The following PTBP3 variants were observed in gnomAD, a reference collection of about 807,000 sequenced individuals.
PTBP3 encodes polypyrimidine tract-binding protein 3.
PTBP3 carries 20 observed loss-of-function variants against 58.7 expected under a neutral mutation model. The observed-to-expected ratio is 0.34, with a 90% confidence interval of 0.24 to 0.50. The LOEUF (loss-of-function observed/expected upper bound fraction) is 0.50. PTBP3 is among the 20% of genes least tolerant of loss of function. The pLI is 0.98. For synonymous variants in PTBP3, 185 were observed against 219.8 expected, an observed-to-expected ratio of 0.84 and a Z score of 1.40; for missense variants, 509 against 637.2, an observed-to-expected ratio of 0.80 and a Z score of 2.17.
chr9:112,283,246 A>T (rs996053661), intron 2 of PTBP3, among the ~76,000 whole-genome samples: 1 of 152,190 alleles, frequency 6.6e-6, no homozygotes, highest in Non-Finnish European at 1.5e-5. Flanking sequence ...GGAACTGGGT[A>T]ATGGGCAGAG....
intron 1 of PTBP3, among the ~76,000 whole-genome samples, chr9:112,303,783 G>A (rs1199207823): frequency 6.6e-6 from 1 of 151,976 alleles, no homozygotes; most frequent in Non-Finnish European, 1.5e-5. Flanking sequence ...AGAATCACTT[G>A]AACCTGGGAG....
intron 2 of PTBP3, among the ~76,000 whole-genome samples, chr9:112,280,243 C>T (rs1390207159): frequency 2.0e-5 from 3 of 152,080 alleles, no homozygotes; most frequent in Non-Finnish European, 4.4e-5. Context: ...TTAGTAGACA[C>T]GTGGTTTCAC....
At chr9:112,242,941 C>T (rs1338916051) in intron 7 of PTBP3, 1 of 152,174 alleles carries the variant, frequency 6.6e-6, no homozygotes, top group Non-Finnish European at 1.5e-5. Context: ...TCCACTTATA[C>T]AAAACCGACT....
the PTBP3 span, among the ~76,000 whole-genome samples, chr9:112,374,087 C>G: frequency 6.6e-6 from 1 of 152,072 alleles, no homozygotes; most frequent in Non-Finnish European, 1.5e-5. Flanking sequence ...ACCTTAACCA[C>G]GGGGTATGGT....
chr9:112,373,953 C>T, the PTBP3 span, among the ~76,000 whole-genome samples: 5 of 152,158 alleles, frequency 3.3e-5, no homozygotes, highest in African/African-American at 7.2e-5. Context: ...TTCCCTTTGC[C>T]TTCATCAAGC....
intron 1 of PTBP3, among the ~76,000 whole-genome samples, chr9:112,331,082 A>AACACACACACACAC (rs10660591): frequency 8.5e-4 from 119 of 139,524 alleles, no homozygotes; most frequent in East Asian, 2.1e-3. Context: ...GGAGGAAACG[A>AACACACACACACAC]ACACACACAC....
rs750809494 is a variant in PTBP3 at position 112,275,851 on chromosome 9, T to C, written c.197A>G (p.Lys66Arg). Residue 66 changes from lysine (K) to arginine (R), a missense_variant, in exon 3 of 14, where the codon AAA becomes AGA. Around this residue, in one of 4 missense-constraint regions of PTBP3, gnomAD observed 212 missense variants for 215.3 expected, o/e 0.98. Transcript: ENST00000374257. ...TCTTTAAATATTACATACCTGGCTT[T>C]TTCCTTTCAACATCAAAAGATTAGT... is the stretch of plus-strand genomic sequence containing the variant. ...KVTNLLMLKG[K>R]SQAFLEMASE... is the part of the protein sequence containing the mutation. 1.9e-6 allele frequency: 3 copies of C among 1,611,074 alleles called. No homozygotes were observed. The highest frequency in any genetic ancestry group is 2.5e-6 in the Non-Finnish European group (3 of 1,177,518).
At chr9:112,282,269 T>C (rs915428508) in intron 2 of PTBP3, among the ~76,000 whole-genome samples, 1 of 152,152 alleles carries the variant, frequency 6.6e-6, no homozygotes, top group South Asian at 2.1e-4. Context: ...TGTCTTTCCT[T>C]TTTTTTGAGT....
chr9:112,320,045 A>G (rs1405082385), intron 1 of PTBP3, among the ~76,000 whole-genome samples: 1 of 152,078 alleles, frequency 6.6e-6, no homozygotes, highest in Non-Finnish European at 1.5e-5. Context: ...GATTTTGGTC[A>G]AGGATACAAA....
At chr9:112,332,550 T>G (rs1830417177) in intron 1 of PTBP3, among the ~76,000 whole-genome samples, 1 of 152,196 alleles carries the variant, frequency 6.6e-6, no homozygotes, top group African/African-American at 2.4e-5. Flanking sequence ...TTGGAGATTT[T>G]TTTTTAATCC....
rs1418787518 is a variant in PTBP3, at chr9:112,290,705, T to TACACACACACACACAC, written c.34+7126_34+7127insGTGTGTGTGTGTGTGT. Among the ~76,000 whole-genome samples the TACACACACACACACAC allele has an allele frequency of 6.6e-4, 48 of 72,988 alleles. 1 individual carries two copies. The highest frequency in any genetic ancestry group is 2.1e-3 in the African/African-American group (45 of 21,314). 47.9% of individuals were successfully genotyped at this position (72,988 alleles called of 152,430 possible). The stretch of plus-strand genomic sequence containing the variant: ...AAAAAAAAATATATATATATATATA[T>TACACACACACACACAC]ATACACACACACACACACACACACA... On this transcript the variant is annotated intron_variant, in intron 2 of 13. Transcript: ENST00000374257.
intron 3 of PTBP3, among the ~76,000 whole-genome samples, chr9:112,274,850 C>G (rs903868571): frequency 1.3e-5 from 2 of 152,182 alleles, no homozygotes. Flanking sequence ...TCACAGCAAC[C>G]AATCAGAAAG....
In PTBP3 at chr9:112,239,865, G is replaced by A. The variant is rs1156679597; in HGVS notation, c.803-4968C>T. 1.3e-4 allele frequency among the ~76,000 whole-genome samples: 15 copies of A among 111,824 alleles called. 1 individual carries two copies. The highest frequency in any genetic ancestry group is 4.3e-4 in the African/African-American group (12 of 28,182). The allele number at this position is 111,824 out of a possible 152,430, so 73.4% of individuals were successfully genotyped here. ...AGGGAGGGAGGGAGGGAGGGAGGGA[G>A]GGAGGGAGGGAGGGAGGCAAGGAAG... On this transcript the variant is annotated intron_variant, in intron 7 of 13. Transcript: ENST00000374257.
At chr9:112,301,466 A>C (rs1303464891) in intron 1 of PTBP3, among the ~76,000 whole-genome samples, 1 of 151,936 alleles carries the variant, frequency 6.6e-6, no homozygotes, top group African/African-American at 2.4e-5. Flanking sequence ...GAAAAAAAAA[A>C]ACAAACAAAA....
chr9:112,287,338 T>TG (rs1828173038), intron 2 of PTBP3, among the ~76,000 whole-genome samples: 1 of 135,218 alleles, frequency 7.4e-6, no homozygotes, highest in East Asian at 2.2e-4. Flanking sequence ...TTTTCAGTTT[T>TG]TTGTTTTTTT....
At chr9:112,332,316 A>G (rs987000104) in intron 1 of PTBP3, among the ~76,000 whole-genome samples, 22 of 152,358 alleles carry the variant, frequency 1.4e-4, no homozygotes, top group African/African-American at 5.0e-4. Flanking sequence ...GAAATGTCAT[A>G]TACACTTAAT....
At chr9:112,302,163 T>C (rs1587859864) in intron 1 of PTBP3, among the ~76,000 whole-genome samples, 1 of 152,008 alleles carries the variant, frequency 6.6e-6, no homozygotes, top group South Asian at 2.1e-4. Flanking sequence ...ACTACACAAA[T>C]TTCAATTGAC....
intron 3 of PTBP3, among the ~76,000 whole-genome samples, chr9:112,274,337 A>G (rs1165569601): frequency 1.3e-5 from 2 of 152,226 alleles, no homozygotes; most frequent in African/African-American, 4.8e-5. Context: ...TCTTAAACCT[A>G]TTATTTATCA....
chr9:112,267,889 T>C (rs1384121179), intron 4 of PTBP3, among the ~76,000 whole-genome samples, 160 bp downstream of exon 4: 1 of 152,250 alleles, frequency 6.6e-6, no homozygotes, highest in Non-Finnish European at 1.5e-5. Context: ...ACTGCTTTCT[T>C]ATTCTTAAGA....
Sources: gnomAD v4.1 joint callset for allele counts (sites outside exome capture counted in the v4.1 genomes callset) on GRCh38, gnomAD v4.1.1 for gene constraint, gnomAD v4.1.1 regional missense constraint, MANE v1.5 for transcripts, NCBI Gene and HGNC (gene_info 2026-07-23, HGNC 2026-07-21) for gene names.